Variants in DOCK10 observed in about 807,000 individuals in gnomAD.
DOCK10 encodes the protein dedicator of cytokinesis 10.
Under a neutral mutation model 280.1 loss-of-function variants are expected in DOCK10, and 145 were observed. The observed-to-expected ratio is 0.52, with a 90% CI of 0.45 to 0.59. The LOEUF (loss-of-function observed/expected upper bound fraction) is 0.59, where lower values mean the gene tolerates loss of function less well. DOCK10 is among the 20% of genes least tolerant of loss of function. The pLI is 0.00. For synonymous variants in DOCK10, 915 were observed against 942.2 expected (o/e 0.97, Z 0.53); for missense variants, 2,368 against 2,651.7 (o/e 0.89, Z 2.35).
At chr2:224,885,460 T>C (rs1699223193) in intron 7 of DOCK10, among the ~76,000 whole-genome samples, 1 of 152,248 alleles carries the variant, frequency 6.6e-6, no homozygotes, top group African/African-American at 2.4e-5. Context: ...CTGATTCCAT[T>C]CTGCTTATTC....
intron 1 of DOCK10, among the ~76,000 whole-genome samples, chr2:224,940,504 T>C (rs1032717745): frequency 1.3e-5 from 2 of 152,234 alleles, no homozygotes; most frequent in African/African-American, 4.8e-5. Context: ...TGTGGGAATT[T>C]AGGTTTGGTA....
At chr2:224,950,109 G>C (rs2126117254) in intron 1 of DOCK10, among the ~76,000 whole-genome samples, 1 of 152,304 alleles carries the variant, frequency 6.6e-6, no homozygotes, top group East Asian at 1.9e-4. Flanking sequence ...AATTACAATA[G>C]TGCTTTAGAA....
chr2:224,830,760 A>G (rs1292164866), intron 26 of DOCK10, 148 bp from the exon 27 acceptor site: 2 of 421,578 alleles, frequency 4.7e-6, no homozygotes, highest in Non-Finnish European at 8.6e-6. Flanking sequence ...AATATTCTCT[A>G]TTATAGTGGG....
At chr2:224,812,898 A>G (rs1693878965) in intron 31 of DOCK10, among the ~76,000 whole-genome samples, 1 of 152,064 alleles carries the variant, frequency 6.6e-6, no homozygotes, top group Admixed American at 6.5e-5. Context: ...CCAGTATTTT[A>G]TTGAGGATTT....
chr2:224,935,977 T>C (rs1702667948), intron 1 of DOCK10, among the ~76,000 whole-genome samples: 1 of 152,196 alleles, frequency 6.6e-6, no homozygotes, highest in African/African-American at 2.4e-5. Flanking sequence ...ATAGTCACCC[T>C]AATCCAAAGG....
At chr2:224,959,966 T>G (rs546884462) in intron 1 of DOCK10, among the ~76,000 whole-genome samples, 15 of 152,166 alleles carry the variant, frequency 9.9e-5, no homozygotes, top group Non-Finnish European at 1.9e-4. Context: ...CTCCTTGTTG[T>G]GGAAATTGTA....
At chr2:224,823,745 A>G in intron 27 of DOCK10, 98 bp from the exon 28 acceptor site, 1 of 1,146,750 alleles carries the variant, frequency 8.7e-7, no homozygotes, top group Non-Finnish European at 1.2e-6. Context: ...ATAGGTCATT[A>G]AAGAAAAAGA....
At chr2:224,910,789 C>T (rs998635155) in intron 3 of DOCK10, among the ~76,000 whole-genome samples, 1 of 152,192 alleles carries the variant, frequency 6.6e-6, no homozygotes. Flanking sequence ...GTTCCATTAT[C>T]ATCACGGGAT....
At chr2:224,845,422 GA>G (rs2125496066) in intron 20 of DOCK10, 96 bp downstream of exon 20, 1 of 1,536,802 alleles carries the variant, frequency 6.5e-7, no homozygotes, top group East Asian at 2.3e-5. Flanking sequence ...TAAATTTCAT[GA>G]AAAATAATTC....
intron 1 of DOCK10, among the ~76,000 whole-genome samples, chr2:224,958,597 G>T (rs1435592472): frequency 6.6e-6 from 1 of 151,676 alleles, no homozygotes; most frequent in African/African-American, 2.4e-5. Context: ...TCCTATTTCT[G>T]TCATCTCCCT....
At chr2:225,015,749 C>T (rs1342891387) in intron 1 of DOCK10, among the ~76,000 whole-genome samples, 1 of 152,116 alleles carries the variant, frequency 6.6e-6, no homozygotes, top group Non-Finnish European at 1.5e-5. Flanking sequence ...CTTCAGTGCT[C>T]CTTATGGCTT....
At chr2:224,798,483 G>C (rs2125153453) in intron 41 of DOCK10, among the ~76,000 whole-genome samples, 1 of 152,194 alleles carries the variant, frequency 6.6e-6, no homozygotes, top group Non-Finnish European at 1.5e-5. Flanking sequence ...TGTGAGATTT[G>C]AGTGACATTT....
At chr2:225,034,675 A>G (rs1271846078) in intron 1 of DOCK10, among the ~76,000 whole-genome samples, 2 of 152,230 alleles carry the variant, frequency 1.3e-5, no homozygotes, top group Non-Finnish European at 2.9e-5. Context: ...ATATACTATA[A>G]AAGTAGTGAA....
chr2:224,921,112 A>AAAAAAAAATATATATATATATAT, intron 2 of DOCK10, among the ~76,000 whole-genome samples: 1 of 54,414 alleles, frequency 1.8e-5, no homozygotes, highest in Non-Finnish European at 3.0e-5. Context: ...AAAAAAAAAA[A>AAAAAAAAATATATATATATATAT]ATATATATAT....
intron 11 of DOCK10, among the ~76,000 whole-genome samples, chr2:224,867,788 G>C (rs569434576): frequency 1.3e-5 from 2 of 152,160 alleles, no homozygotes; most frequent in Non-Finnish European, 1.5e-5. Flanking sequence ...AAAGAGCTTG[G>C]ATATTCTTTG....
chr2:224,994,984 C>A (rs1016456198), intron 1 of DOCK10, among the ~76,000 whole-genome samples: 7 of 152,174 alleles, frequency 4.6e-5, no homozygotes, highest in African/African-American at 1.2e-4. Context: ...TGACTGGGCC[C>A]ATGGTCATCT....
intron 26 of DOCK10, among the ~76,000 whole-genome samples, chr2:224,833,477 C>T (rs1009973453): frequency 8.6e-5 from 12 of 138,974 alleles, no homozygotes; most frequent in South Asian, 2.1e-4. Context: ...GCACCCTCTT[C>T]GCCTTCAAAT....
At chr2:224,957,295 G>GCC (rs1326516353) in intron 1 of DOCK10, among the ~76,000 whole-genome samples, 14 of 123,810 alleles carry the variant, frequency 1.1e-4, no homozygotes, top group Admixed American at 2.5e-4. Flanking sequence ...GCCCCCCCCC[G>GCC]GCTTTGTTTT....
intron 1 of DOCK10, among the ~76,000 whole-genome samples, chr2:224,977,267 T>G (rs1407329951): frequency 6.6e-6 from 1 of 152,224 alleles, no homozygotes; most frequent in Non-Finnish European, 1.5e-5. Context: ...AAAGTTTTTT[T>G]TCACTTTTGA....
Sources: allele counts gnomAD v4.1 joint callset (sites outside exome capture counted in the v4.1 genomes callset), GRCh38; gene constraint gnomAD v4.1.1; transcripts MANE v1.5; gene names NCBI Gene and HGNC (gene_info 2026-07-23, HGNC 2026-07-21).